The following KATNBL1 variants were observed in gnomAD, a reference collection of about 807,000 sequenced individuals.
KATNBL1 encodes KATNB1-like protein 1.
Under a neutral mutation model 44.7 loss-of-function variants are expected in KATNBL1, and 28 were observed. The observed-to-expected ratio is 0.63, with a 90% CI of 0.46 to 0.86. The LOEUF is 0.86. KATNBL1 is among the 40% of genes least tolerant of loss of function. The pLI, the probability that KATNBL1 is intolerant of heterozygous loss-of-function variation, is 0.00. For missense variants in KATNBL1, 272 were observed against 350.7 expected (o/e 0.78, Z 1.79); for synonymous variants, 78 against 114.9 (o/e 0.68, Z 2.06).
chr15:34,174,651 T>C (rs962593823), intron 1 of KATNBL1, among the ~76,000 whole-genome samples: 9 of 151,998 alleles, frequency 5.9e-5, no homozygotes, highest in African/African-American at 2.2e-4. Context: ...GAAAAAAGTA[T>C]CATGCAAATA....
intron 9 of KATNBL1, among the ~76,000 whole-genome samples, chr15:34,143,795 A>AC (rs1888224216): frequency 1.9e-5 from 1 of 52,100 alleles, no homozygotes; most frequent in South Asian, 7.6e-4. Context: ...TAAAAATACA[A>AC]AAAAAAAAAA....
intron 8 of KATNBL1, chr15:34,146,008 G>A (rs1201274377): frequency 1.3e-5 from 2 of 150,242 alleles, no homozygotes; most frequent in Admixed American, 1.3e-4. Context: ...GAGTGCAGTG[G>A]TGCCATCTCG....
intron 1 of KATNBL1, among the ~76,000 whole-genome samples, chr15:34,207,619 T>C (rs1890328435): frequency 3.4e-5 from 1 of 29,270 alleles, no homozygotes; most frequent in Admixed American, 4.6e-4. Flanking sequence ...GGATTACAGG[T>C]GTGAGCCACA....
intron 9 of KATNBL1, chr15:34,144,815 C>G (rs2140895397): frequency 6.5e-6 from 1 of 153,622 alleles, no homozygotes; most frequent in South Asian, 2.0e-4. Flanking sequence ...GATCTGCTTG[C>G]CTTGGCCTCC....
chr15:34,152,523 C>T lies in KATNBL1; in HGVS notation c.438+267G>A, dbSNP rs921721986. On this transcript the variant is annotated intron_variant, in intron 4 of 9. Transcript: ENST00000256544. ...TTTTAGGCAAGATTTCTCCTTTTCC[C>T]TTCCTTTAAATCTCTACTGGCTAAC... 2.6e-5 allele frequency among the ~76,000 whole-genome samples: 4 copies of T among 152,204 alleles called. No homozygotes were observed. In the East Asian group the frequency reaches 5.8e-4, roughly 22 times the overall value.
intron 1 of KATNBL1, among the ~76,000 whole-genome samples, chr15:34,177,510 G>A (rs1026220068): frequency 1.3e-5 from 2 of 151,480 alleles, no homozygotes; most frequent in African/African-American, 4.8e-5. Context: ...TGAGCATGGT[G>A]GTACACGCCT....
At chr15:34,173,195 G>A (rs763204564) in intron 1 of KATNBL1, among the ~76,000 whole-genome samples, 3 of 151,712 alleles carry the variant, frequency 2.0e-5, no homozygotes, top group Non-Finnish European at 2.9e-5. Context: ...CAGTAAAAGA[G>A]AAATCAAACA....
At chr15:34,204,915 G>A (rs1415068937) in intron 1 of KATNBL1, among the ~76,000 whole-genome samples, 2 of 151,568 alleles carry the variant, frequency 1.3e-5, no homozygotes, top group South Asian at 2.1e-4. Flanking sequence ...CTTTGTATAC[G>A]AATTATATGT....
At chr15:34,167,969 A>G (rs1198855153) in intron 1 of KATNBL1, among the ~76,000 whole-genome samples, 1 of 152,232 alleles carries the variant, frequency 6.6e-6, no homozygotes, top group Non-Finnish European at 1.5e-5. Flanking sequence ...AACCAGTACC[A>G]GCCACTGCAA....
At chr15:34,143,966 CAAAAAAAAAA>C (rs61591705) in intron 9 of KATNBL1, among the ~76,000 whole-genome samples, 1 of 66,404 alleles carries the variant, frequency 1.5e-5, no homozygotes, top group African/African-American at 7.0e-5. Context: ...GATTCCATCT[CAAAAAAAAAA>C]AAAAAAAAAA....
At chr15:34,172,256 C>CTTTTTTTTTTTTTTTTTTTT (rs59733560) in intron 1 of KATNBL1, among the ~76,000 whole-genome samples, 1 of 96,620 alleles carries the variant, frequency 1.0e-5, no homozygotes. Flanking sequence ...GGAACATATT[C>CTTTTTTTTTTTTTTTTTTTT]TTTTTTTTTT....
chr15:34,203,365 T>C (rs1358297363), intron 1 of KATNBL1, among the ~76,000 whole-genome samples: 1 of 147,668 alleles, frequency 6.8e-6, no homozygotes, highest in Admixed American at 6.6e-5. Flanking sequence ...CCAACTCCTT[T>C]AGACTATATA....
At chr15:34,147,899 T>G (rs1333695808) in intron 5 of KATNBL1, among the ~76,000 whole-genome samples, 1 of 152,144 alleles carries the variant, frequency 6.6e-6, no homozygotes, top group East Asian at 1.9e-4. Context: ...ACGGGTCTCA[T>G]TCGGTTGCCC....
intron 1 of KATNBL1, among the ~76,000 whole-genome samples, chr15:34,190,204 A>C (rs549886694): frequency 1.2e-3 from 188 of 152,248 alleles, no homozygotes; most frequent in Non-Finnish European, 2.4e-3. Context: ...TCGGCCTCCC[A>C]AAGTGCTGGG....
intron 4 of KATNBL1, among the ~76,000 whole-genome samples, chr15:34,152,143 T>C (rs1287376532): frequency 1.3e-5 from 2 of 151,814 alleles, no homozygotes; most frequent in Non-Finnish European, 2.9e-5. Flanking sequence ...TGTTTCACCA[T>C]GTTGCCCAGG....
intron 2 of KATNBL1, among the ~76,000 whole-genome samples, chr15:34,156,243 G>C (rs1888634072): frequency 6.6e-6 from 1 of 152,212 alleles, no homozygotes; most frequent in Non-Finnish European, 1.5e-5. Flanking sequence ...TCAGTGTCGG[G>C]AGACAGAAGC....
chr15:34,146,731 G>T, intron 8 of KATNBL1, 30 bp downstream of exon 8: 2 of 1,281,378 alleles, frequency 1.6e-6, no homozygotes, highest in Non-Finnish European at 2.3e-6. Context: ...GAAAATTTCA[G>T]CATGAGTTTA....
chr15:34,206,612 G>A (rs978560913), intron 1 of KATNBL1, among the ~76,000 whole-genome samples: 19 of 152,080 alleles, frequency 1.2e-4, no homozygotes, highest in African/African-American at 2.9e-4. Context: ...CCGACATGGC[G>A]AAACCCCGTC....
At chr15:34,198,402 T>C (rs1028250196) in intron 1 of KATNBL1, 2 of 152,232 alleles carry the variant, frequency 1.3e-5, no homozygotes, top group Admixed American at 6.5e-5. Flanking sequence ...CCTGAGGATT[T>C]ATCTAAGAGC....
Sources: gnomAD v4.1 joint callset for allele counts (sites outside exome capture counted in the v4.1 genomes callset) on GRCh38, gnomAD v4.1.1 for gene constraint, MANE v1.5 for transcripts, NCBI Gene and HGNC (gene_info 2026-07-23, HGNC 2026-07-21) for gene names.